THADA: variants seen among roughly 807,000 people sequenced by gnomAD.
THADA encodes the protein THADA armadillo repeat containing.
THADA carries 213 observed loss-of-function variants against 219.8 expected under a neutral mutation model. The observed-to-expected ratio is 0.97, with a 90% CI of 0.87 to 1.09. THADA has a LOEUF of 1.09. Ranked by LOEUF, THADA falls within the 50% of genes least tolerant of loss-of-function variation. The probability of loss-of-function intolerance (pLI) is 0.00; values close to 1 mark genes in which losing one functional copy is unlikely to be tolerated. For synonymous variants in THADA, 1,018 were observed against 828.9 expected (o/e 1.23, Z -3.92); for missense variants, 2,956 against 2,311.3 (o/e 1.28, Z -5.72).
chr2:43,480,817 T>TG (rs1326792310), intron 26 of THADA, among the ~76,000 whole-genome samples: 30 of 143,028 alleles, frequency 2.1e-4, no homozygotes, highest in African/African-American at 6.5e-4. Context: ...GACTCTGTCT[T>TG]GGGGGGGAAA....
intron 28 of THADA, among the ~76,000 whole-genome samples, chr2:43,410,136 G>A (rs1303126555): frequency 6.6e-6 from 1 of 152,120 alleles, no homozygotes; most frequent in Non-Finnish European, 1.5e-5. Flanking sequence ...CCAAATACAT[G>A]TAAAGATGCC....
At chr2:43,481,248 C>T (rs971500359) in intron 26 of THADA, among the ~76,000 whole-genome samples, 1 of 152,098 alleles carries the variant, frequency 6.6e-6, no homozygotes, top group African/African-American at 2.4e-5. Flanking sequence ...TCACTTATAC[C>T]CTGGAAAATA....
chr2:43,446,908 TAC>T (rs1681641175), intron 26 of THADA, among the ~76,000 whole-genome samples: 1 of 152,240 alleles, frequency 6.6e-6, no homozygotes. Context: ...CTAGAGACTC[TAC>T]AGCAGAATCC....
At chr2:43,336,016 G>A (rs1474840810) in intron 30 of THADA, among the ~76,000 whole-genome samples, 4 of 151,600 alleles carry the variant, frequency 2.6e-5, no homozygotes, top group Non-Finnish European at 5.9e-5. Context: ...AGAATGGCGT[G>A]AACCCCAGAG....
At chr2:43,568,459 G>T (rs1698930497) in intron 14 of THADA, among the ~76,000 whole-genome samples, 1 of 152,144 alleles carries the variant, frequency 6.6e-6, no homozygotes, top group African/African-American at 2.4e-5. Flanking sequence ...AGCCACAGGT[G>T]TACCAGTAGG....
rs530967061 is a variant in THADA at position 43,309,751 on chromosome 2, G to A, written c.4438+10695C>T. On this transcript the variant is annotated intron_variant, in intron 31 of 37. Coordinates refer to ENST00000405975, the MANE Select transcript of THADA (RefSeq NM_022065.5). ...CCTAGGATCAGGAATGAGACAAGAT[G>A]TCTGCTCTTGCCACTTCTATTCAAC... 3.2e-4 allele frequency among the ~76,000 whole-genome samples: 48 copies of A among 152,248 alleles called. No individual in the cohort carries two copies. In the South Asian group the frequency reaches 4.2e-3, roughly 13 times the overall value.
intron 30 of THADA, among the ~76,000 whole-genome samples, chr2:43,321,963 A>G (rs998588588): frequency 6.6e-6 from 1 of 152,200 alleles, no homozygotes; most frequent in Non-Finnish European, 1.5e-5. Context: ...CAATTTCCTT[A>G]AAGTTTATTC....
intron 4 of THADA, among the ~76,000 whole-genome samples, chr2:43,588,021 C>T (rs185593314): frequency 6.6e-6 from 1 of 152,100 alleles, no homozygotes; most frequent in East Asian, 1.9e-4. Context: ...AGAGGGATGA[C>T]TTAACACTGA....
chr2:43,292,020 C>A, intron 33 of THADA, 84 bp downstream of exon 33: 1 of 934,308 alleles, frequency 1.1e-6, no homozygotes, highest in Non-Finnish European at 1.6e-6. Context: ...GACCTGAGGG[C>A]AGGATTGTGT....
chr2:43,526,037 G>T (rs973944849), intron 22 of THADA, among the ~76,000 whole-genome samples: 2 of 152,136 alleles, frequency 1.3e-5, no homozygotes, highest in Non-Finnish European at 2.9e-5. Context: ...TTTTAAATTT[G>T]TAGGAAATTC....
At chr2:43,344,036 T>C (rs1667350816) in intron 30 of THADA, 86 bp downstream of exon 30, 2 of 993,794 alleles carry the variant, frequency 2.0e-6, no homozygotes, top group South Asian at 1.5e-5. Context: ...CAATGACTTT[T>C]AAAACTCCCC....
At chr2:43,365,734 TA>T (rs973700257) in intron 29 of THADA, among the ~76,000 whole-genome samples, 1 of 151,548 alleles carries the variant, frequency 6.6e-6, no homozygotes, top group Non-Finnish European at 1.5e-5. Flanking sequence ...GAAGGCAAGT[TA>T]AAAAAAAGGT....
chr2:43,558,030 A>G (rs1176023046), intron 16 of THADA, among the ~76,000 whole-genome samples: 2 of 152,224 alleles, frequency 1.3e-5, no homozygotes, highest in Non-Finnish European at 2.9e-5. Context: ...ACCATTTTTT[A>G]ACTGACAGTT....
intron 24 of THADA, 22 bp downstream of exon 24, chr2:43,505,600 G>C (rs1370621369): frequency 1.3e-6 from 2 of 1,495,688 alleles, no homozygotes; most frequent in Non-Finnish European, 1.8e-6. Context: ...ACACTGGAGG[G>C]TTTGTGTATT....
chr2:43,512,549 T>A (rs1690625980), intron 22 of THADA, among the ~76,000 whole-genome samples: 1 of 152,240 alleles, frequency 6.6e-6, no homozygotes, highest in Admixed American at 6.5e-5. Context: ...CTTGCCCAGG[T>A]TGGAGTGCAA....
chr2:43,577,055 T>C lies in THADA; in HGVS notation c.1004A>G (p.Asp335Gly), dbSNP rs766559656. The C allele has an allele frequency of 6.2e-7, 1 of 1,613,382 alleles. No individual in the cohort carries two copies. ...CAAGGTGAACAAAACATGTGCAGTA[T>C]CCAAGAGCAGGGCCTCCCCACTCCG... The part of the protein sequence containing the change: ...MGRSGEALLL[D>G]TAHVLFTLSS... Residue 335 changes from aspartate (D) to glycine (G), a missense_variant, in exon 10 of 38, where the codon GAT (aspartate) becomes GGT (glycine). By Grantham distance (94) the Asp-to-Gly change is moderately conservative. Transcript: ENST00000405975.
rs527606652 is a variant in THADA, at chr2:43,556,283, C to G, written c.2674+62G>C. 3.8e-6 allele frequency: 6 copies of G among 1,581,330 alleles called. No individual in the cohort carries two copies. The African/African-American group carries it at 5.4e-5, about 14-fold the overall frequency. ...AATATATGTTTAACCATTAGATATTCTAACCAAATGAATACTGAGACTAAG... is the reference window on the plus strand; with the variant it reads ...AATATATGTTTAACCATTAGATATTGTAACCAAATGAATACTGAGACTAAG... On this transcript the variant is annotated intron_variant, in intron 17 of 37. Transcript: ENST00000405975.
chr2:43,544,408 GAAGA>G, intron 20 of THADA, among the ~76,000 whole-genome samples: 3 of 152,292 alleles, frequency 2.0e-5, no homozygotes, highest in Admixed American at 2.0e-4. Context: ...CCAATTCTGT[GAAGA>G]AAGGCATTGG....
chr2:43,554,602 CAAT>C (rs934285788), intron 17 of THADA, among the ~76,000 whole-genome samples: 1 of 152,006 alleles, frequency 6.6e-6, no homozygotes, highest in Non-Finnish European at 1.5e-5. Flanking sequence ...GATGAAACCA[CAAT>C]GAGATATCGT....
Sources: allele counts gnomAD v4.1 joint callset (sites outside exome capture counted in the v4.1 genomes callset), GRCh38; gene constraint gnomAD v4.1.1; transcripts MANE v1.5; gene names NCBI Gene and HGNC (gene_info 2026-07-23, HGNC 2026-07-21).